The following MDGA2 variants were observed in gnomAD, a reference collection of about 807,000 sequenced individuals.
MDGA2 encodes MAM domain containing glycosylphosphatidylinositol anchor 2.
In MDGA2, 40 loss-of-function variants were observed where a neutral mutation model predicts 117.8. The observed-to-expected ratio is 0.34, with a 90% CI of 0.26 to 0.44. The LOEUF (loss-of-function observed/expected upper bound fraction) is 0.44, where lower values mean the gene tolerates loss of function less well. Among genes scored for constraint, MDGA2 ranks in the 20% least tolerant of loss-of-function variants. The pLI is 1.00. For synonymous variants in MDGA2, 452 were observed against 439.0 expected (o/e 1.03, Z -0.37); for missense variants, 1,123 against 1,250.6 (o/e 0.90, Z 1.54).
At chr14:47,596,098 G>A (rs112185371) in intron 1 of MDGA2, among the ~76,000 whole-genome samples, 240 of 152,264 alleles carry the variant, frequency 1.6e-3, no homozygotes, top group African/African-American at 5.4e-3. Flanking sequence ...CATAATGGAA[G>A]TATTCTATAT....
chr14:46,986,241 C>T (rs1196333811), intron 8 of MDGA2, among the ~76,000 whole-genome samples: 16 of 152,018 alleles, frequency 1.1e-4, no homozygotes, highest in South Asian at 6.2e-4. Context: ...CAGTGTCACA[C>T]GCAGAACTCA....
intron 3 of MDGA2, among the ~76,000 whole-genome samples, chr14:47,170,523 G>A (rs1167549804): frequency 6.6e-6 from 1 of 152,028 alleles, no homozygotes; most frequent in Non-Finnish European, 1.5e-5. Flanking sequence ...GATGTTGAGT[G>A]ACTTAAGAAG....
chr14:47,011,312 G>A (rs971194969), intron 8 of MDGA2, among the ~76,000 whole-genome samples: 3 of 152,052 alleles, frequency 2.0e-5, no homozygotes, highest in Non-Finnish European at 4.4e-5. Flanking sequence ...GTGGTTGGCC[G>A]TAAGAATGTA....
chr14:47,521,366 G>A (rs923156290), intron 1 of MDGA2, among the ~76,000 whole-genome samples: 92 of 152,180 alleles, frequency 6.0e-4, no homozygotes, highest in African/African-American at 2.2e-3. Context: ...CATTTACCAG[G>A]TGCAGTGATG....
At chr14:47,054,460 T>C (rs1323516876) in intron 7 of MDGA2, among the ~76,000 whole-genome samples, 1 of 148,914 alleles carries the variant, frequency 6.7e-6, no homozygotes, top group Non-Finnish European at 1.5e-5. Context: ...CTCCTAATGC[T>C]ATCCCTCCCC....
At chr14:46,978,212 CTTAAT>C (rs2138366518) in intron 8 of MDGA2, among the ~76,000 whole-genome samples, 1 of 151,968 alleles carries the variant, frequency 6.6e-6, no homozygotes, top group South Asian at 2.1e-4. Context: ...ATCACATTGT[CTTAAT>C]TTACTCTTTT....
rs149117475 is a variant in MDGA2, at chr14:47,480,609, A to G, written c.281-179059T>C. On this transcript the variant is annotated intron_variant, in intron 1 of 16. Transcript: ENST00000399232. ...ATTTTTAAAAATACTATTTTCTTGC[A>G]TTTTTGCCTTTTTTTTCAAAAGTGA... 4.4e-3 allele frequency among the ~76,000 whole-genome samples: 665 copies of G among 151,930 alleles called. 8 individuals carry two copies. Among genetic ancestry groups the G allele is most frequent in the African/African-American group, 0.015 (639 of 41,500 alleles).
intron 3 of MDGA2, among the ~76,000 whole-genome samples, chr14:47,184,365 G>T (rs959001275): frequency 2.0e-5 from 3 of 151,830 alleles, no homozygotes; most frequent in African/African-American, 7.2e-5. Flanking sequence ...GAACTCTATT[G>T]GGATATTTTA....
chr14:47,049,596 A>G (rs935284801), intron 7 of MDGA2, among the ~76,000 whole-genome samples: 10 of 151,942 alleles, frequency 6.6e-5, no homozygotes, highest in African/African-American at 2.4e-4. Flanking sequence ...GTTTTGTTAC[A>G]TGAGTATATT....
intron 3 of MDGA2, among the ~76,000 whole-genome samples, chr14:47,214,344 C>T (rs1285307964): frequency 6.6e-6 from 1 of 152,054 alleles, no homozygotes; most frequent in East Asian, 1.9e-4. Context: ...ATAAAATCTA[C>T]CAGCCTATAA....
chr14:47,319,342 T>C (rs567003363), intron 1 of MDGA2, among the ~76,000 whole-genome samples: 12 of 152,282 alleles, frequency 7.9e-5, no homozygotes, highest in African/African-American at 2.6e-4. Context: ...TTGTAAAACG[T>C]CTATTATAAT....
At chr14:46,894,997 C>T (rs1883021823) in intron 10 of MDGA2, among the ~76,000 whole-genome samples, 1 of 152,184 alleles carries the variant, frequency 6.6e-6, no homozygotes, top group Non-Finnish European at 1.5e-5. Flanking sequence ...GCAGCTCAGT[C>T]AGCATCTTTC....
intron 1 of MDGA2, among the ~76,000 whole-genome samples, chr14:47,411,397 C>G (rs980221577): frequency 6.6e-6 from 1 of 151,998 alleles, no homozygotes; most frequent in African/African-American, 2.4e-5. Flanking sequence ...TCCTCAAACT[C>G]TGGACAAATT....
intron 1 of MDGA2, among the ~76,000 whole-genome samples, chr14:47,480,211 C>T (rs1594879039): frequency 6.6e-6 from 1 of 151,992 alleles, no homozygotes; most frequent in Non-Finnish European, 1.5e-5. Flanking sequence ...CAAAATCAAA[C>T]ATTTTCAGAG....
chr14:47,643,791 C>A (rs1027931366), intron 1 of MDGA2, among the ~76,000 whole-genome samples: 1 of 152,000 alleles, frequency 6.6e-6, no homozygotes, highest in African/African-American at 2.4e-5. Context: ...ACAACCAAGG[C>A]CAGGATTTTT....
chr14:46,957,925 A>T (rs370526461), intron 8 of MDGA2, among the ~76,000 whole-genome samples: 29 of 152,296 alleles, frequency 1.9e-4, no homozygotes, highest in African/African-American at 7.0e-4. Flanking sequence ...AAATATTTTT[A>T]AACTTTCCTA....
chr14:47,458,565 A>G (rs1464355620), intron 1 of MDGA2, among the ~76,000 whole-genome samples: 1 of 152,134 alleles, frequency 6.6e-6, no homozygotes, highest in Admixed American at 6.6e-5. Context: ...CTGGATGAGT[A>G]AGTTCTGAAG....
chr14:47,515,594 C>T (rs182421282), intron 1 of MDGA2, among the ~76,000 whole-genome samples: 2 of 152,118 alleles, frequency 1.3e-5, no homozygotes, highest in Admixed American at 6.6e-5. Flanking sequence ...AATCTAACAC[C>T]CTAGTTAAAA....
Position 46,855,280 on chromosome 14 carries a change from CTT to C in MDGA2, c.2753-128_2753-127del, listed in dbSNP as rs1881225781. The C allele has an allele frequency of 1.6e-6, 1 of 641,374 alleles. No individual in the cohort carries two copies. Among genetic ancestry groups the C allele is most frequent in the African/African-American group, 1.9e-5 (1 of 52,998 alleles). 39.7% of individuals were successfully genotyped at this position (641,374 alleles called of 1,614,324 possible). ...AGAACACTCTAGTGTCTTGTCCTCT[CTT>C]CTCCTCTCATTTCCTATCTTGCTCT... On this transcript the variant is annotated intron_variant, in intron 14 of 16. Coordinates refer to ENST00000399232, the MANE Select transcript of MDGA2 (RefSeq NM_001113498.3). This position sits in a 1 kb window ranked among gnomAD's most constrained non-coding sequence, Gnocchi z 4.1.
Sources: allele counts gnomAD v4.1 joint callset (sites outside exome capture counted in the v4.1 genomes callset), GRCh38; gene constraint gnomAD v4.1.1; non-coding constraint Gnocchi (gnomAD v3.1); transcripts MANE v1.5; gene names NCBI Gene and HGNC (gene_info 2026-07-23, HGNC 2026-07-21).